ACSL1: variants seen among roughly 807,000 people sequenced by gnomAD.
The protein encoded by ACSL1 is acyl-CoA synthetase long chain family member 1, also known as long-chain-fatty-acid--CoA ligase 1.
A neutral mutation model predicts 98.4 loss-of-function variants in ACSL1; 41 were observed. The observed-to-expected ratio is 0.42, with a 90% confidence interval of 0.32 to 0.54. ACSL1 has a LOEUF of 0.54. ACSL1 is among the 20% of genes least tolerant of loss of function. The pLI is 0.13. For missense variants in ACSL1, 734 were observed against 883.1 expected, an observed-to-expected ratio of 0.83 and a Z score of 2.14; for synonymous variants, 316 against 322.7, an observed-to-expected ratio of 0.98 and a Z score of 0.22.
intron 2 of ACSL1, among the ~76,000 whole-genome samples, chr4:184,794,293 A>G (rs1189885580): frequency 6.6e-6 from 1 of 152,212 alleles, no homozygotes; most frequent in African/African-American, 2.4e-5. Context: ...TCTTTGATAT[A>G]TTACACTAGG....
intron 1 of ACSL1, among the ~76,000 whole-genome samples, chr4:184,818,912 TG>T (rs1450150846): frequency 6.6e-6 from 1 of 152,126 alleles, no homozygotes; most frequent in African/African-American, 2.4e-5. Context: ...AGTTTCCATA[TG>T]AAGGGCGGGG....
intron 1 of ACSL1, among the ~76,000 whole-genome samples, chr4:184,824,075 A>T (rs1468983552): frequency 6.6e-6 from 1 of 152,168 alleles, no homozygotes; most frequent in African/African-American, 2.4e-5. Flanking sequence ...GGAACAACAG[A>T]GACAGGAAGG....
chr4:184,764,989 C>G, intron 14 of ACSL1, 64 bp from the exon 15 acceptor site: 1 of 1,523,270 alleles, frequency 6.6e-7, no homozygotes, highest in Non-Finnish European at 9.0e-7. Flanking sequence ...TGGAAGTGCA[C>G]AAGCAATGAA....
chr4:184,793,436 G>C (rs1234564681), intron 2 of ACSL1, among the ~76,000 whole-genome samples: 1 of 152,190 alleles, frequency 6.6e-6, no homozygotes, highest in African/African-American at 2.4e-5. Context: ...TAACAGGAAC[G>C]CGATGGCCAG....
chr4:184,817,646 G>A (rs1772741536), intron 1 of ACSL1, among the ~76,000 whole-genome samples: 1 of 152,152 alleles, frequency 6.6e-6, no homozygotes, highest in Non-Finnish European at 1.5e-5. Flanking sequence ...GGGAGGCAGA[G>A]GGACAGTGCC....
chr4:184,824,492 T>A (rs1773307837), intron 1 of ACSL1, among the ~76,000 whole-genome samples: 1 of 152,140 alleles, frequency 6.6e-6, no homozygotes, highest in South Asian at 2.1e-4. Context: ...TATGTCTGTT[T>A]TAAAGGGGAG....
rs947193374 is a variant in ACSL1, at chr4:184,766,547, C to CA, written c.1263+74dup. The CA allele has an allele frequency of 1.3e-6, 2 of 1,546,622 alleles. No individual in the cohort carries two copies. Among genetic ancestry groups the CA allele is most frequent in the African/African-American group, 2.8e-5 (2 of 72,470 alleles). ...CCCTTACCTTCATCTCTCCCTCTCA[C>CA]AAAAAAGGCCCTCCCAGAACTCTGA... On this transcript the variant is annotated intron_variant, in intron 13 of 20. Coordinates refer to ENST00000281455, the MANE Select transcript of ACSL1 (RefSeq NM_001995.5). This position sits in a 1 kb window ranked among gnomAD's most constrained non-coding sequence, Gnocchi z 4.8.
chr4:184,775,442 T>A (rs1765127564), intron 7 of ACSL1, among the ~76,000 whole-genome samples: 1 of 151,974 alleles, frequency 6.6e-6, no homozygotes, highest in South Asian at 2.1e-4. Context: ...GAAAAAGAGA[T>A]TACATTATAG....
chr4:184,783,991 T>C lies in ACSL1; in HGVS notation c.311A>G (p.Asn104Ser), dbSNP rs1485854195. The C allele has an allele frequency of 2.5e-6, 4 of 1,612,662 alleles. No individual in the cohort carries two copies. In the East Asian group the frequency reaches 8.9e-5, roughly 36 times the overall value. The change falls in exon 4 of 21, where the codon AAT becomes AGT. Residue 104 changes from asparagine (N) to serine (S), a missense_variant and splice_region_variant. By Grantham distance (46) the Asn-to-Ser change is conservative. Coordinates refer to ENST00000281455, the MANE Select transcript of ACSL1 (RefSeq NM_001995.5). ...CCGAGAGCCTAAACAAGGGCCATTA[T>C]CTAAAAAAAGAGAAAAAACAACAGA... ...EGFQRGIQVSNNGPCLGSRKP... is the reference protein window; with the variant it reads ...EGFQRGIQVSSNGPCLGSRKP...
chr4:184,810,044 A>G (rs997098776), intron 1 of ACSL1, among the ~76,000 whole-genome samples: 7 of 152,198 alleles, frequency 4.6e-5, no homozygotes, highest in African/African-American at 1.7e-4. Context: ...AACACATTTG[A>G]ATGATATTAG....
At position 184,757,660 on chromosome 4, in the gene ACSL1, T is replaced by C. The variant is rs1762289197; in HGVS notation, c.1931A>G (p.Asp644Gly). The C allele has an allele frequency of 1.9e-6, 3 of 1,613,964 alleles. No homozygotes were observed. The highest frequency in any genetic ancestry group is 1.3e-5 in the African/African-American group (1 of 74,914). The change falls in exon 20 of 21, where the codon GAT (aspartate) becomes GGT (glycine). Residue 644 changes from aspartate to glycine, a missense_variant. Physicochemically the swap from Asp to Gly is moderately conservative, Grantham distance 94 (BLOSUM62 -1). Transcript: ENST00000281455. This position sits in a 1 kb window ranked among gnomAD's most constrained non-coding sequence, Gnocchi z 4.5. ...ILEDMVRLGK[D>G]SGLKPFEQVK... The stretch of plus-strand genomic sequence containing the variant: ...CTGTTCAAATGGTTTCAGACCAGAA[T>C]CCTTCCCAAGTCTCACCATATCTTC...
At position 184,788,631 on chromosome 4, in the gene ACSL1, C is replaced by T. The variant is rs956747076; in HGVS notation, c.296G>A (p.Gly99Glu). Residue 99 changes from glycine to glutamate, a missense_variant, in exon 3 of 21, where the codon GGA becomes GAA. Physicochemically the swap from Gly to Glu is moderately conservative, Grantham distance 98. Transcript: ENST00000281455. ...AAAATGCTTACTTGACACCTGTATTCCCCTCTGGAAACCTTCGTATAATGT... is the reference window on the plus strand; with the variant it reads ...AAAATGCTTACTTGACACCTGTATTTCCCTCTGGAAACCTTCGTATAATGT... ...VTTLYEGFQR[G>E]IQVSNNGPCL... is the part of the protein sequence containing the mutation. 6.2e-7 allele frequency: 1 copy of T among 1,614,010 alleles called. No individual in the cohort carries two copies.
intron 4 of ACSL1, among the ~76,000 whole-genome samples, chr4:184,781,759 G>T (rs1004332669): frequency 1.3e-5 from 2 of 152,232 alleles, no homozygotes; most frequent in South Asian, 4.2e-4. Context: ...ACAGGCACCT[G>T]CCACCACACT....
intron 10 of ACSL1, among the ~76,000 whole-genome samples, chr4:184,770,994 C>A (rs987653288): frequency 5.9e-5 from 9 of 152,146 alleles, no homozygotes; most frequent in Non-Finnish European, 1.2e-4. Context: ...CATGGTGGCA[C>A]ATGCCTGTAA....
At chr4:184,787,780 C>T (rs915161569) in intron 3 of ACSL1, among the ~76,000 whole-genome samples, 8 of 151,998 alleles carry the variant, frequency 5.3e-5, no homozygotes, top group Admixed American at 5.2e-4. Flanking sequence ...AGGAGAATCA[C>T]TTGAACCCAG....
chr4:184,808,906 T>C (rs947937699), intron 1 of ACSL1, among the ~76,000 whole-genome samples: 1 of 152,202 alleles, frequency 6.6e-6, no homozygotes, highest in African/African-American at 2.4e-5. Flanking sequence ...CTGTGGTCAC[T>C]GCTCTGGGCC....
intron 3 of ACSL1, among the ~76,000 whole-genome samples, chr4:184,786,979 AC>A (rs1767490348): frequency 6.6e-6 from 1 of 152,168 alleles, no homozygotes; most frequent in South Asian, 2.1e-4. Flanking sequence ...GGTGTGAGCC[AC>A]CATGCCCGGC....
At chr4:184,812,242 G>A (rs1772195049) in intron 1 of ACSL1, 1 of 985,096 alleles carries the variant, frequency 1.0e-6, no homozygotes, top group African/African-American at 1.7e-5. Flanking sequence ...ATATGCCCTT[G>A]GTTCTTAACA....
chr4:184,793,629 T>C lies in ACSL1; in HGVS notation c.196-4898A>G, dbSNP rs780662728. 2.6e-5 allele frequency among the ~76,000 whole-genome samples: 4 copies of C among 151,910 alleles called. No individual in the cohort carries two copies. In the East Asian group the frequency reaches 5.8e-4, roughly 22 times the overall value. ...TGCTACTGTTTATGCAGGAGAGGGA[T>C]AGGGAGGTGGACGCAGGGCGAAAGT... On this transcript the variant is annotated intron_variant, in intron 2 of 20. Transcript: ENST00000281455.
Sources: gnomAD v4.1 joint callset for allele counts (sites outside exome capture counted in the v4.1 genomes callset) on GRCh38, gnomAD v4.1.1 for gene constraint, Gnocchi (gnomAD v3.1) non-coding constraint, MANE v1.5 for transcripts, NCBI Gene and HGNC (gene_info 2026-07-23, HGNC 2026-07-21) for gene names.